SND1: variants seen among roughly 807,000 people sequenced by gnomAD.
SND1 encodes staphylococcal nuclease domain-containing protein 1.
SND1 carries 38 observed loss-of-function variants against 121.7 expected under a neutral mutation model. That is an observed-to-expected ratio of 0.31 (90% CI 0.24 to 0.41). The LOEUF is 0.41. Among genes scored for constraint, SND1 ranks in the 10% least tolerant of loss-of-function variants. The pLI, the probability that SND1 is intolerant of heterozygous loss-of-function variation, is 1.00. For synonymous variants in SND1, 401 were observed against 447.4 expected, an observed-to-expected ratio of 0.90 and a Z score of 1.31; for missense variants, 868 against 1,184.6, an observed-to-expected ratio of 0.73 and a Z score of 3.92.
intron 16 of SND1, among the ~76,000 whole-genome samples, chr7:128,068,813 G>A (rs1409316288): frequency 3.3e-5 from 5 of 152,182 alleles, no homozygotes; most frequent in Non-Finnish European, 4.4e-5. Context: ...GCTCTTCCTC[G>A]GTAATTAGGA....
chr7:127,735,062 C>T (rs1023222950), intron 10 of SND1, among the ~76,000 whole-genome samples: 1 of 152,168 alleles, frequency 6.6e-6, no homozygotes, highest in South Asian at 2.1e-4. Flanking sequence ...TGTGCCTGGC[C>T]CAGGTAGAGC....
intron 22 of SND1, among the ~76,000 whole-genome samples, chr7:128,090,834 A>AC (rs935637646): frequency 6.6e-6 from 1 of 151,512 alleles, no homozygotes; most frequent in Non-Finnish European, 1.5e-5. Context: ...CTCTGGATAG[A>AC]CCCCCACTTT....
In SND1 at chr7:127,683,259, T is replaced by A. The variant is rs549501621; in HGVS notation, c.79-3354T>A. Among the ~76,000 whole-genome samples the A allele has an allele frequency of 3.3e-5, 5 of 152,248 alleles. No homozygotes were observed. The East Asian group carries it at 9.7e-4, about 29-fold the overall frequency. ...GAGAGAGAGTCTTGCTCTGTCACCC[T>A]GGCTGGAGTGCAGTGGCACAACCAT... is the stretch of plus-strand genomic sequence containing the variant. On this transcript the variant is annotated intron_variant, in intron 1 of 23. Coordinates refer to ENST00000354725, the MANE Select transcript of SND1 (RefSeq NM_014390.4).
intron 16 of SND1, chr7:128,027,486 CT>C (rs985117251): frequency 6.6e-6 from 1 of 152,440 alleles, no homozygotes; most frequent in African/African-American, 2.4e-5. Context: ...CTTTTCGTCT[CT>C]CCCTTTTCTT....
intron 18 of SND1, 110 bp from the exon 19 acceptor site, chr7:128,084,614 C>T (rs2117064266): frequency 4.2e-6 from 5 of 1,193,208 alleles, no homozygotes; most frequent in Admixed American, 2.7e-5. Context: ...TGCTGCAGTG[C>T]CCCCCAGAAT....
chr7:128,037,168 G>A (rs1399613494), intron 16 of SND1, among the ~76,000 whole-genome samples: 4 of 152,172 alleles, frequency 2.6e-5, no homozygotes, highest in Admixed American at 1.3e-4. Flanking sequence ...CAGTTCTGGA[G>A]GCTAAAAGTT....
intron 10 of SND1, among the ~76,000 whole-genome samples, chr7:127,733,177 G>C (rs1300398420): frequency 6.6e-6 from 1 of 152,106 alleles, no homozygotes; most frequent in African/African-American, 2.4e-5. Context: ...GGAAAGAAGA[G>C]GTTAGTTTTA....
At chr7:127,693,802 C>T (rs1438354059) in intron 2 of SND1, among the ~76,000 whole-genome samples, 1 of 152,158 alleles carries the variant, frequency 6.6e-6, no homozygotes, top group African/African-American at 2.4e-5. Context: ...CCCATCCCTC[C>T]CCATTTTGGT....
rs1418686929 is a variant in SND1 at position 128,008,497 on chromosome 7, TTTTGA to T, written c.1779+17445_1779+17449del. Among the ~76,000 whole-genome samples the T allele has an allele frequency of 2.7e-5, 4 of 150,804 alleles. No homozygotes were observed. In the South Asian group the frequency reaches 6.3e-4, roughly 24 times the overall value. ...TTTTTTTTGGAGGGGGGTTGCATTGTTTTGATTTTTGAATTGAGAGAGTTGTGGGG... is the reference window on the plus strand; with the variant it reads ...TTTTTTTTGGAGGGGGGTTGCATTGTTTTTTGAATTGAGAGAGTTGTGGGG... On this transcript the variant is annotated intron_variant, in intron 16 of 23. Transcript: ENST00000354725.
intron 10 of SND1, among the ~76,000 whole-genome samples, chr7:127,804,446 G>C (rs2116570215): frequency 6.6e-6 from 1 of 152,226 alleles, no homozygotes; most frequent in East Asian, 1.9e-4. Flanking sequence ...CCTGTGGAGT[G>C]TCTTAAAAGC....
chr7:127,869,429 C>T (rs1480358605), intron 12 of SND1, among the ~76,000 whole-genome samples: 1 of 152,172 alleles, frequency 6.6e-6, no homozygotes, highest in African/African-American at 2.4e-5. Context: ...CAAGTTTTGT[C>T]TACTTTGACC....
intron 15 of SND1, among the ~76,000 whole-genome samples, chr7:127,973,850 T>C (rs1802056408): frequency 6.6e-6 from 1 of 152,228 alleles, no homozygotes; most frequent in African/African-American, 2.4e-5. Flanking sequence ...TTGCCTTTGT[T>C]TCTAAAGCAG....
chr7:127,871,175 C>T (rs1490141120), intron 12 of SND1, among the ~76,000 whole-genome samples: 1 of 152,056 alleles, frequency 6.6e-6, no homozygotes, highest in African/African-American at 2.4e-5. Context: ...GATAACAATA[C>T]CTTCTTCTGG....
At chr7:127,928,882 C>G (rs935323696) in intron 14 of SND1, among the ~76,000 whole-genome samples, 6 of 152,186 alleles carry the variant, frequency 3.9e-5, no homozygotes, top group African/African-American at 1.4e-4. Context: ...TGAGCCACTG[C>G]GCCTGGCACC....
At chr7:127,874,909 C>T (rs1799662349) in intron 12 of SND1, among the ~76,000 whole-genome samples, 2 of 152,034 alleles carry the variant, frequency 1.3e-5, no homozygotes, top group South Asian at 2.1e-4. Context: ...TTAAGGGCAA[C>T]CTAGATAATT....
chr7:127,923,041 T>G (rs969015194), intron 14 of SND1, among the ~76,000 whole-genome samples: 1 of 151,926 alleles, frequency 6.6e-6, no homozygotes, highest in Non-Finnish European at 1.5e-5. Flanking sequence ...CAGGGTAGAG[T>G]GTTGTGGCAT....
chr7:127,718,186 G>A (rs1023983827), intron 9 of SND1, among the ~76,000 whole-genome samples: 3 of 152,086 alleles, frequency 2.0e-5, no homozygotes, highest in Admixed American at 6.5e-5. Context: ...AGCGTGCATG[G>A]GGTTGGCTTG....
chr7:128,091,785 T>C, intron 22 of SND1, 52 bp from the exon 23 acceptor site: 6 of 1,596,264 alleles, frequency 3.8e-6, no homozygotes, highest in Non-Finnish European at 5.2e-6. Flanking sequence ...TCCTGCTGGC[T>C]GATCATTTGA....
Position 128,081,257 on chromosome 7 carries a change from A to G in SND1, c.1969-103A>G, listed in dbSNP as rs1584778571. The G allele has an allele frequency of 1.2e-5, 18 of 1,449,986 alleles. No homozygotes were observed. The East Asian group carries it at 4.4e-4, about 35-fold the overall frequency. The allele number at this position is 1,449,986 out of a possible 1,614,324, so 89.8% of individuals were successfully genotyped here. ...GTGATCCACCCGCCTCGGCCTCCCAAAGTGCTGGGATTACAGGCATGAGCC... is the reference window on the plus strand; with the variant it reads ...GTGATCCACCCGCCTCGGCCTCCCAGAGTGCTGGGATTACAGGCATGAGCC... On this transcript the variant is annotated intron_variant, in intron 17 of 23. Coordinates refer to ENST00000354725, the MANE Select transcript of SND1 (RefSeq NM_014390.4).
Sources: gnomAD v4.1 joint callset for allele counts (sites outside exome capture counted in the v4.1 genomes callset) on GRCh38, gnomAD v4.1.1 for gene constraint, MANE v1.5 for transcripts, NCBI Gene and HGNC (gene_info 2026-07-23, HGNC 2026-07-21) for gene names.